SLC39A11: variants seen among roughly 807,000 people sequenced by gnomAD.
SLC39A11 encodes zinc transporter ZIP11.
SLC39A11 carries 33 observed loss-of-function variants against 36.1 expected under a neutral mutation model. The observed-to-expected ratio is 0.91, with a 90% CI of 0.69 to 1.22. The LOEUF is 1.22. Among genes scored for constraint, SLC39A11 ranks in the 50% most tolerant of loss-of-function variants. The pLI, the probability that SLC39A11 is intolerant of heterozygous loss-of-function variation, is 0.00. For synonymous variants in SLC39A11, 166 were observed against 170.3 expected, an observed-to-expected ratio of 0.97 and a Z score of 0.20; for missense variants, 432 against 430.3, an observed-to-expected ratio of 1.00 and a Z score of -0.03.
At chr17:73,033,049 T>C (rs2058788706) in intron 3 of SLC39A11, among the ~76,000 whole-genome samples, 1 of 152,152 alleles carries the variant, frequency 6.6e-6, no homozygotes, top group Non-Finnish European at 1.5e-5. Context: ...ATGAAACAGT[T>C]CCACCTCAGA....
intron 4 of SLC39A11, among the ~76,000 whole-genome samples, chr17:73,015,841 TA>T (rs1372126800): frequency 6.6e-6 from 1 of 152,140 alleles, no homozygotes; most frequent in Non-Finnish European, 1.5e-5. Flanking sequence ...TTCGGCCTTT[TA>T]AAGTGCTGGG....
At chr17:72,745,027 A>G (rs2074872500) in intron 6 of SLC39A11, among the ~76,000 whole-genome samples, 1 of 151,720 alleles carries the variant, frequency 6.6e-6, no homozygotes, top group Non-Finnish European at 1.5e-5. Flanking sequence ...TTTCTAGTAG[A>G]GATGGGGTTT....
At chr17:72,705,232 A>G (rs990353876) in intron 7 of SLC39A11, among the ~76,000 whole-genome samples, 5 of 152,354 alleles carry the variant, frequency 3.3e-5, no homozygotes, top group African/African-American at 1.2e-4. Context: ...AAAGTACACT[A>G]TAATGATACT....
rs537704481 is a variant in SLC39A11 at position 73,035,421 on chromosome 17, T to C, written c.148-3707A>G. ...TCCCAAAGTGCTGGGATTACAGGTG[T>C]GAGCCACCGCACCCGGCCAAAAAGT... On this transcript the variant is annotated intron_variant, in intron 3 of 9. Coordinates refer to ENST00000255559, the MANE Select transcript of SLC39A11 (RefSeq NM_139177.4). Among the ~76,000 whole-genome samples the C allele has an allele frequency of 2.0e-5, 3 of 152,272 alleles. No homozygotes were observed. The South Asian group carries it at 6.2e-4, about 32-fold the overall frequency.
chr17:72,753,402 T>C (rs955625368), intron 6 of SLC39A11, among the ~76,000 whole-genome samples: 11 of 152,326 alleles, frequency 7.2e-5, no homozygotes, highest in African/African-American at 2.6e-4. Flanking sequence ...AATGAATCTA[T>C]CCATTTAACT....
In SLC39A11 at chr17:72,820,271, T is replaced by C. The variant is rs140060019; in HGVS notation, c.601+29363A>G. Reference sequence around the variant, plus strand: ...TTCCCCTCTGGATGTTGAAACTGTCTTCCAAATAACTGAATTTTGTTGTGC... The same window carrying C: ...TTCCCCTCTGGATGTTGAAACTGTCCTCCAAATAACTGAATTTTGTTGTGC... On this transcript the variant is annotated intron_variant, in intron 6 of 9. Transcript: ENST00000255559. Among the ~76,000 whole-genome samples, 188 of 151,422 alleles carry C rather than the reference T, an allele frequency of 1.2e-3. 5 individuals carry two copies. The highest frequency in any genetic ancestry group is 3.9e-3 in the African/African-American group (163 of 41,486).
chr17:72,749,705 G>A (rs908255535), intron 6 of SLC39A11, among the ~76,000 whole-genome samples: 1 of 152,098 alleles, frequency 6.6e-6, no homozygotes, highest in Admixed American at 6.6e-5. Context: ...CCTAGACAGT[G>A]GGAGCAGTCC....
intron 6 of SLC39A11, among the ~76,000 whole-genome samples, chr17:72,774,994 A>C (rs2076083199): frequency 6.8e-6 from 1 of 147,744 alleles, no homozygotes; most frequent in Non-Finnish European, 1.5e-5. Context: ...TCTGGCTACA[A>C]AGAAAAAAAA....
intron 6 of SLC39A11, among the ~76,000 whole-genome samples, chr17:72,801,189 A>G (rs1390519960): frequency 6.6e-6 from 1 of 152,216 alleles, no homozygotes; most frequent in Non-Finnish European, 1.5e-5. Context: ...TAAGGGGTGC[A>G]GGATTTGTTT....
chr17:72,832,208 T>C (rs1370268726), intron 6 of SLC39A11, among the ~76,000 whole-genome samples: 1 of 152,186 alleles, frequency 6.6e-6, no homozygotes, highest in Non-Finnish European at 1.5e-5. Flanking sequence ...ACCCAAAACA[T>C]GCAGCCATAC....
At chr17:72,663,821 G>A (rs955973785) in intron 7 of SLC39A11, 2 of 152,164 alleles carry the variant, frequency 1.3e-5, no homozygotes, top group African/African-American at 4.8e-5. Context: ...AACACATCAG[G>A]GGAGGAGATG....
chr17:72,909,750 CT>C (rs56091262), intron 5 of SLC39A11, among the ~76,000 whole-genome samples: 50 of 144,648 alleles, frequency 3.5e-4, no homozygotes, highest in East Asian at 1.0e-3. Context: ...TTTCTTTTTT[CT>C]TTTTTTTTTT....
intron 4 of SLC39A11, among the ~76,000 whole-genome samples, chr17:73,027,371 A>C (rs1413142492): frequency 6.6e-6 from 1 of 151,374 alleles, no homozygotes; most frequent in African/African-American, 2.4e-5. Flanking sequence ...TTCCTTGTCC[A>C]CCCCCTTTTT....
At chr17:72,972,302 G>C (rs919991836) in intron 4 of SLC39A11, among the ~76,000 whole-genome samples, 4 of 152,124 alleles carry the variant, frequency 2.6e-5, no homozygotes, top group African/African-American at 9.7e-5. Flanking sequence ...GAGATGAAGT[G>C]TTCACAGCCC....
intron 5 of SLC39A11, among the ~76,000 whole-genome samples, chr17:72,935,344 AG>A (rs1446387432): frequency 6.6e-6 from 1 of 152,164 alleles, no homozygotes; most frequent in African/African-American, 2.4e-5. Context: ...AACAGCTCAG[AG>A]GTCACCAGAG....
At chr17:72,837,920 G>T in intron 6 of SLC39A11, 1 of 1,225,760 alleles carries the variant, frequency 8.2e-7, no homozygotes. Flanking sequence ...TAAGCATGCA[G>T]TTTCTTTTTT....
intron 6 of SLC39A11, among the ~76,000 whole-genome samples, chr17:72,802,418 C>T (rs762941754): frequency 4.0e-5 from 6 of 151,538 alleles, no homozygotes; most frequent in East Asian, 3.9e-4. Flanking sequence ...GGTGAAAACC[C>T]GTCTCTACTA....
chr17:72,928,631 C>T (rs896834376), intron 5 of SLC39A11, among the ~76,000 whole-genome samples: 2 of 152,114 alleles, frequency 1.3e-5, no homozygotes, highest in African/African-American at 4.8e-5. Flanking sequence ...GTTCCCAGGG[C>T]CCTGATAGTT....
intron 6 of SLC39A11, among the ~76,000 whole-genome samples, chr17:72,759,911 G>A (rs1199758343): frequency 2.0e-5 from 3 of 152,156 alleles, no homozygotes; most frequent in South Asian, 2.1e-4. Context: ...TTACCTGTGC[G>A]GGGCCCCCTG....
Sources: allele counts gnomAD v4.1 joint callset (sites outside exome capture counted in the v4.1 genomes callset), GRCh38; gene constraint gnomAD v4.1.1; transcripts MANE v1.5; gene names NCBI Gene and HGNC (gene_info 2026-07-23, HGNC 2026-07-21).